The following PDILT variants were observed in gnomAD, a reference collection of about 807,000 sequenced individuals.
PDILT encodes the protein protein disulfide-isomerase-like protein of the testis.
A neutral mutation model predicts 53.7 loss-of-function variants in PDILT; 43 were observed. That is an observed-to-expected ratio of 0.80 (90% confidence interval 0.63 to 1.03). The LOEUF (loss-of-function observed/expected upper bound fraction) is 1.03, where lower values mean the gene tolerates loss of function less well. Ranked by LOEUF, PDILT falls within the 50% of genes least tolerant of loss-of-function variation. The pLI is 0.00. For missense variants in PDILT, 727 were observed against 712.3 expected, an observed-to-expected ratio of 1.02 and a Z score of -0.24; for synonymous variants, 282 against 274.2, an observed-to-expected ratio of 1.03 and a Z score of -0.28.
rs181812468 is a variant in PDILT, at chr16:20,367,377, C to T, written c.1117-1837G>A. On this transcript the variant is annotated intron_variant, in intron 8 of 11. Coordinates refer to ENST00000302451, the MANE Select transcript of PDILT (RefSeq NM_174924.2). ...CCACAGTGTCCTCCCTCACCACACC[C>T]GCTCTAGCCTCTGGAAAGCACTTAA... Among the ~76,000 whole-genome samples the T allele has an allele frequency of 2.4e-3, 365 of 152,246 alleles. 2 individuals are homozygous for T. Among genetic ancestry groups the T allele is most frequent in the African/African-American group, 7.3e-3 (304 of 41,550 alleles).
At chr16:20,365,317 C>A in intron 9 of PDILT, 103 bp downstream of exon 9, 1 of 1,308,236 alleles carries the variant, frequency 7.6e-7, no homozygotes, top group Non-Finnish European at 1.1e-6. Context: ...TGGCATGGTG[C>A]ATTGATGGGT....
At chr16:20,375,272 G>T (rs1966368598) in intron 4 of PDILT, among the ~76,000 whole-genome samples, 1 of 152,172 alleles carries the variant, frequency 6.6e-6, no homozygotes, top group Non-Finnish European at 1.5e-5. Flanking sequence ...TTCAGAAGAG[G>T]CAATTGATTT....
At chr16:20,393,166 A>G (rs955309389) in intron 2 of PDILT, among the ~76,000 whole-genome samples, 1 of 152,236 alleles carries the variant, frequency 6.6e-6, no homozygotes, top group African/African-American at 2.4e-5. Context: ...TCCTCCCTGT[A>G]AAAGTCACCA....
chr16:20,387,883 G>T (rs896134083), intron 2 of PDILT, among the ~76,000 whole-genome samples: 3 of 152,016 alleles, frequency 2.0e-5, no homozygotes, highest in Non-Finnish European at 4.4e-5. Flanking sequence ...CTTTTTAACT[G>T]GATTTCTCTG....
chr16:20,400,747 T>C (rs965088964), intron 1 of PDILT, among the ~76,000 whole-genome samples: 1 of 152,202 alleles, frequency 6.6e-6, no homozygotes, highest in African/African-American at 2.4e-5. Context: ...TGCCTTGGAT[T>C]ATTTTGAATC....
intron 2 of PDILT, among the ~76,000 whole-genome samples, chr16:20,386,589 A>T (rs1347375922): frequency 6.6e-6 from 1 of 152,186 alleles, no homozygotes; most frequent in African/African-American, 2.4e-5. Context: ...ATGGGATCGG[A>T]AAGTGAATGA....
At chr16:20,390,388 C>T (rs1461083960) in intron 2 of PDILT, among the ~76,000 whole-genome samples, 2 of 152,094 alleles carry the variant, frequency 1.3e-5, no homozygotes, top group African/African-American at 2.4e-5. Context: ...GTTCCTTCTG[C>T]CCTAAATCTG....
At position 20,369,575 on chromosome 16, in the gene PDILT, C is replaced by A. The variant is rs747898472; in HGVS notation, c.1033G>T (p.Ala345Ser). The change falls in exon 8 of 12, where the codon GCC becomes TCC. Residue 345 changes from alanine (A) to serine (S), a missense_variant. By Grantham distance (99) the Ala-to-Ser change is moderately conservative (BLOSUM62 1). Coordinates refer to ENST00000302451, the MANE Select transcript of PDILT (RefSeq NM_174924.2). ...SVQILNLSSD[A>S]RYKMPSDDIT... Reference sequence around the variant, plus strand: ...TCATCTGAAGGCATTTTGTACCTGGCGTCAGAGCTCAAGTTTAGGATTTGG... The same window carrying A: ...TCATCTGAAGGCATTTTGTACCTGGAGTCAGAGCTCAAGTTTAGGATTTGG... 1 of 1,614,182 alleles carries A rather than the reference C, an allele frequency of 6.2e-7. No homozygotes were observed. Among genetic ancestry groups the A allele is most frequent in the Non-Finnish European group, 8.5e-7 (1 of 1,180,028 alleles).
At chr16:20,374,753 C>A in intron 5 of PDILT, 69 bp downstream of exon 5, 1 of 1,516,222 alleles carries the variant, frequency 6.6e-7, no homozygotes, top group South Asian at 1.3e-5. Flanking sequence ...AGAATTTGTA[C>A]CCAAAGCTCA....
chr16:20,393,207 T>A (rs1209027519), intron 2 of PDILT, among the ~76,000 whole-genome samples: 1 of 152,162 alleles, frequency 6.6e-6, no homozygotes, highest in African/African-American at 2.4e-5. Context: ...TGGCCTGAAT[T>A]CTAGTGTGGA....
chr16:20,395,544 T>C (rs1966652104), intron 2 of PDILT, among the ~76,000 whole-genome samples: 1 of 152,200 alleles, frequency 6.6e-6, no homozygotes, highest in Admixed American at 6.5e-5. Flanking sequence ...TGTCAGGCAT[T>C]GACTTCCTGT....
At chr16:20,389,158 C>G (rs1424913134) in intron 2 of PDILT, among the ~76,000 whole-genome samples, 2 of 152,000 alleles carry the variant, frequency 1.3e-5, no homozygotes, top group African/African-American at 4.8e-5. Flanking sequence ...GACCCAACTT[C>G]TCTCAGGCCC....
At position 20,359,207 on chromosome 16, in the gene PDILT, C is replaced by A; in HGVS notation, c.*112G>T. 1 of 1,504,266 alleles carries A rather than the reference C, an allele frequency of 6.6e-7. No homozygotes were observed. Among genetic ancestry groups the A allele is most frequent in the Non-Finnish European group, 8.9e-7 (1 of 1,125,228 alleles). 93.2% of individuals were successfully genotyped at this position (1,504,266 alleles called of 1,614,324 possible). On this transcript the variant is annotated 3_prime_UTR_variant, in exon 12 of 12. Coordinates refer to ENST00000302451, the MANE Select transcript of PDILT (RefSeq NM_174924.2). ...AGAGGCTTTATTATCCACCCCTACC[C>A]CCGCCCCACCTACCCTACCACAATG...
At chr16:20,376,951 A>C (rs975743549) in intron 3 of PDILT, among the ~76,000 whole-genome samples, 1 of 152,236 alleles carries the variant, frequency 6.6e-6, no homozygotes, top group Admixed American at 6.5e-5. Flanking sequence ...AAAATATTAT[A>C]TATTTGTATC....
At chr16:20,385,924 G>C (rs1387665951) in intron 2 of PDILT, 1 of 152,220 alleles carries the variant, frequency 6.6e-6, no homozygotes, top group Non-Finnish European at 1.5e-5. Context: ...GAGAGCTCAT[G>C]AGCGCCATCT....
chr16:20,366,220 T>A (rs1966189822), intron 8 of PDILT, among the ~76,000 whole-genome samples: 1 of 152,224 alleles, frequency 6.6e-6, no homozygotes, highest in Non-Finnish European at 1.5e-5. Flanking sequence ...GTCTTCTCTT[T>A]TCTTTCCTCA....
chr16:20,375,108 T>C, intron 4 of PDILT, 149 bp from the exon 5 acceptor site: 3 of 851,816 alleles, frequency 3.5e-6, no homozygotes, highest in Non-Finnish European at 5.3e-6. Context: ...CTTTCATGAG[T>C]ATTTCATACT....
At chr16:20,379,750 T>C (rs908577461) in intron 3 of PDILT, among the ~76,000 whole-genome samples, 7 of 152,196 alleles carry the variant, frequency 4.6e-5, no homozygotes, top group African/African-American at 1.2e-4. Context: ...GTTAAGGTCA[T>C]GTTAAAAGCC....
intron 2 of PDILT, 81 bp downstream of exon 2, chr16:20,399,018 A>G: frequency 6.9e-7 from 1 of 1,450,370 alleles, no homozygotes; most frequent in Non-Finnish European, 9.6e-7. Flanking sequence ...TTAGCAATAT[A>G]TAAAACTCTT....
Sources: gnomAD v4.1 joint callset for allele counts (sites outside exome capture counted in the v4.1 genomes callset) on GRCh38, gnomAD v4.1.1 for gene constraint, MANE v1.5 for transcripts, NCBI Gene and HGNC (gene_info 2026-07-23, HGNC 2026-07-21) for gene names.